Variants in TOX observed in about 807,000 individuals in gnomAD.
TOX encodes the protein thymocyte selection-associated high mobility group box protein TOX.
Under a neutral mutation model 53.7 loss-of-function variants are expected in TOX, and 11 were observed. That is an observed-to-expected ratio of 0.20 (90% CI 0.13 to 0.34). TOX has a LOEUF of 0.34. Ranked by LOEUF, TOX falls within the 10% of genes least tolerant of loss-of-function variation. The probability of loss-of-function intolerance (pLI) is 1.00; values close to 1 mark genes in which losing one functional copy is unlikely to be tolerated. For synonymous variants in TOX, 225 were observed against 245.3 expected, an observed-to-expected ratio of 0.92 and a Z score of 0.77; for missense variants, 570 against 664.6, an observed-to-expected ratio of 0.86 and a Z score of 1.56.
At chr8:59,068,139 T>C (rs189300424) in intron 1 of TOX, among the ~76,000 whole-genome samples, 3 of 152,356 alleles carry the variant, frequency 2.0e-5, no homozygotes, top group Non-Finnish European at 4.4e-5. Context: ...AATTCTTGCA[T>C]ATTTAGCATT....
At chr8:59,040,297 C>T (rs971565279) in intron 1 of TOX, among the ~76,000 whole-genome samples, 1 of 138,400 alleles carries the variant, frequency 7.2e-6, no homozygotes, top group Non-Finnish European at 1.5e-5. Flanking sequence ...CCACTGCACT[C>T]CAGCCTGGGC....
At chr8:58,970,096 T>C (rs1480200012) in intron 1 of TOX, among the ~76,000 whole-genome samples, 1 of 152,262 alleles carries the variant, frequency 6.6e-6, no homozygotes, top group East Asian at 1.9e-4. Context: ...ATGCTCATTT[T>C]GTGCCTACTT....
rs1563374080 is a variant in TOX, at chr8:58,866,506, A to G, written c.412-14701T>C. On this transcript the variant is annotated intron_variant, in intron 3 of 8. Coordinates refer to ENST00000361421, the MANE Select transcript of TOX (RefSeq NM_014729.3). ...CTGCTATGTAAGTACTTACCTTTGG[A>G]CACAAATTTATGCTTTCTATCCTTT... 6.6e-5 allele frequency among the ~76,000 whole-genome samples: 10 copies of G among 152,358 alleles called. No individual in the cohort carries two copies. The South Asian group carries it at 2.1e-3, about 32-fold the overall frequency.
chr8:58,947,356 A>G (rs1812540079), intron 2 of TOX, among the ~76,000 whole-genome samples: 1 of 152,184 alleles, frequency 6.6e-6, no homozygotes, highest in South Asian at 2.1e-4. Flanking sequence ...TAACTGATCA[A>G]GATCAGGTTT....
At chr8:59,039,552 T>A (rs1803537757) in intron 1 of TOX, among the ~76,000 whole-genome samples, 1 of 152,206 alleles carries the variant, frequency 6.6e-6, no homozygotes, top group Non-Finnish European at 1.5e-5. Context: ...CCCAGCTGAT[T>A]TTCATGAATG....
intron 3 of TOX, among the ~76,000 whole-genome samples, chr8:58,879,574 A>C (rs1002549493): frequency 3.9e-5 from 6 of 152,218 alleles, no homozygotes; most frequent in African/African-American, 1.4e-4. Context: ...ATGAAAAAAA[A>C]TATGCCAAGA....
At chr8:58,878,675 A>C (rs561579987) in intron 3 of TOX, among the ~76,000 whole-genome samples, 1 of 152,300 alleles carries the variant, frequency 6.6e-6, no homozygotes, top group African/African-American at 2.4e-5. Context: ...TGTAGTTTCT[A>C]GCTCTCTTAT....
intron 1 of TOX, among the ~76,000 whole-genome samples, chr8:59,110,379 C>T (rs1039274492): frequency 6.2e-5 from 9 of 145,320 alleles, no homozygotes; most frequent in South Asian, 2.1e-4. Context: ...AAGGAAGCAT[C>T]GGTGTTTTTC....
chr8:59,057,679 T>C (rs999895537), intron 1 of TOX, among the ~76,000 whole-genome samples: 2 of 152,344 alleles, frequency 1.3e-5, no homozygotes, highest in Middle Eastern at 3.4e-3. Context: ...TTTATAATTA[T>C]ATATATGAAT....
chr8:58,911,877 T>C (rs993228490), intron 3 of TOX, among the ~76,000 whole-genome samples: 1 of 152,180 alleles, frequency 6.6e-6, no homozygotes, highest in African/African-American at 2.4e-5. Flanking sequence ...GACTTTTGTA[T>C]TTTTAGTGGA....
intron 1 of TOX, among the ~76,000 whole-genome samples, chr8:58,998,900 G>C (rs1429503648): frequency 6.6e-6 from 1 of 151,952 alleles, no homozygotes; most frequent in Non-Finnish European, 1.5e-5. Context: ...ATTTTTCCAA[G>C]AGAACACACT....
intron 1 of TOX, among the ~76,000 whole-genome samples, chr8:59,070,257 A>C (rs1385458579): frequency 6.6e-6 from 1 of 152,188 alleles, no homozygotes; most frequent in Admixed American, 6.5e-5. Context: ...ATCTGCCTCA[A>C]CACAGGCATA....
At chr8:59,102,502 T>C (rs1804823466) in intron 1 of TOX, among the ~76,000 whole-genome samples, 1 of 152,114 alleles carries the variant, frequency 6.6e-6, no homozygotes, top group Non-Finnish European at 1.5e-5. Flanking sequence ...ATACCAGGAT[T>C]ACAGGTGTGA....
intron 1 of TOX, among the ~76,000 whole-genome samples, chr8:59,052,180 T>C (rs1803803464): frequency 6.6e-6 from 1 of 152,222 alleles, no homozygotes; most frequent in South Asian, 2.1e-4. Context: ...TTTAAATATG[T>C]AATGGGAACA....
chr8:58,979,917 A>G (rs183555917), intron 1 of TOX, among the ~76,000 whole-genome samples: 9 of 152,342 alleles, frequency 5.9e-5, no homozygotes, highest in Admixed American at 2.0e-4. Context: ...TAGAGCTCAG[A>G]CTATAGTAAG....
chr8:58,880,109 G>A, intron 3 of TOX, among the ~76,000 whole-genome samples: 1 of 152,186 alleles, frequency 6.6e-6, no homozygotes, highest in East Asian at 1.9e-4. Context: ...AATCTAGAAT[G>A]AGGGATTATT....
chr8:58,815,821 A>G, intron 6 of TOX, 97 bp from the exon 7 acceptor site: 1 of 1,356,130 alleles, frequency 7.4e-7, no homozygotes, highest in Non-Finnish European at 9.9e-7. Context: ...CCTTCCCTGG[A>G]ATCCATACCC....
intron 1 of TOX, among the ~76,000 whole-genome samples, chr8:59,002,622 C>A (rs549503352): frequency 2.7e-4 from 41 of 150,154 alleles, no homozygotes; most frequent in Non-Finnish European, 4.6e-4. Flanking sequence ...AAAAAACAAA[C>A]AAAAAAAATC....
At chr8:59,041,073 CGTGTGTGTGTGTGT>C (rs61657323) in intron 1 of TOX, among the ~76,000 whole-genome samples, 3 of 143,820 alleles carry the variant, frequency 2.1e-5, no homozygotes, top group African/African-American at 5.2e-5. Flanking sequence ...AAAGGGACTC[CGTGTGTGTGTGTGT>C]GTGTGTGTGT....
Sources: allele counts gnomAD v4.1 joint callset (sites outside exome capture counted in the v4.1 genomes callset), GRCh38; gene constraint gnomAD v4.1.1; transcripts MANE v1.5; gene names NCBI Gene and HGNC (gene_info 2026-07-23, HGNC 2026-07-21).